LINGO2: variants seen among roughly 807,000 people sequenced by gnomAD.
The protein encoded by LINGO2 is leucine-rich repeat and immunoglobulin-like domain-containing nogo receptor-interacting protein 2.
LINGO2 carries 14 observed loss-of-function variants against 30.6 expected under a neutral mutation model. That is an observed-to-expected ratio of 0.46 (90% CI 0.30 to 0.72). The LOEUF (loss-of-function observed/expected upper bound fraction) is 0.72. LINGO2 is among the 30% of genes least tolerant of loss of function. The pLI is 0.07. For missense variants in LINGO2, 729 were observed against 751.7 expected (o/e 0.97, Z 0.35); for synonymous variants, 317 against 288.5 (o/e 1.10, Z -1.00).
At chr9:28,737,354 A>G in the LINGO2 span, among the ~76,000 whole-genome samples, 1 of 152,300 alleles carries the variant, frequency 6.6e-6, no homozygotes, top group East Asian at 1.9e-4. Context: ...GAGCAAAAAC[A>G]AGTCAATCAG....
chr9:28,937,670 G>T, the LINGO2 span, among the ~76,000 whole-genome samples: 2 of 152,174 alleles, frequency 1.3e-5, no homozygotes, highest in Non-Finnish European at 2.9e-5. Context: ...AACCAAGGAG[G>T]TGGTCCTACC....
At chr9:28,611,349 T>C (rs1206324916) in intron 1 of LINGO2, among the ~76,000 whole-genome samples, 1 of 149,348 alleles carries the variant, frequency 6.7e-6, no homozygotes, top group African/African-American at 2.5e-5. Flanking sequence ...ATGTTAACAT[T>C]TGTGTGTGTG....
the LINGO2 span, among the ~76,000 whole-genome samples, chr9:28,808,661 T>C: frequency 2.6e-5 from 4 of 152,222 alleles, no homozygotes; most frequent in Admixed American, 1.3e-4. Context: ...AATTTCATGG[T>C]AGAACAAGCA....
the LINGO2 span, among the ~76,000 whole-genome samples, chr9:28,955,024 A>G: frequency 6.6e-6 from 1 of 152,190 alleles, no homozygotes; most frequent in Non-Finnish European, 1.5e-5. Flanking sequence ...AAAGAGGGAC[A>G]GAGATAGAGA....
chr9:28,613,299 T>G (rs1331555662), intron 1 of LINGO2, among the ~76,000 whole-genome samples: 1 of 152,094 alleles, frequency 6.6e-6, no homozygotes, highest in East Asian at 1.9e-4. Context: ...TGTATTAGTA[T>G]ACATAAATAC....
the LINGO2 span, among the ~76,000 whole-genome samples, chr9:29,146,365 AC>A: frequency 7.1e-6 from 1 of 141,324 alleles, no homozygotes; most frequent in East Asian, 2.4e-4. Context: ...AAAAAACAAA[AC>A]AAACAAACAA....
the LINGO2 span, among the ~76,000 whole-genome samples, chr9:29,029,637 C>T: frequency 5.9e-5 from 9 of 152,094 alleles, no homozygotes; most frequent in Non-Finnish European, 7.4e-5. Flanking sequence ...ATCTCTTTAA[C>T]TTATTTACTT....
At chr9:28,014,746 C>T (rs1039328034) in intron 4 of LINGO2, among the ~76,000 whole-genome samples, 1 of 152,034 alleles carries the variant, frequency 6.6e-6, no homozygotes, top group African/African-American at 2.4e-5. Flanking sequence ...GACTGTCTGA[C>T]CTTGAAGGGC....
chr9:28,884,287 C>A, the LINGO2 span, among the ~76,000 whole-genome samples: 129,425 of 151,942 alleles, frequency 0.85, 55,294 homozygotes, highest in Non-Finnish European at 0.89. Context: ...TAATCCAAGC[C>A]CTCTGCCCAC....
intron 5 of LINGO2, among the ~76,000 whole-genome samples, chr9:28,009,461 T>A (rs1822443933): frequency 6.6e-6 from 1 of 151,992 alleles, no homozygotes; most frequent in Non-Finnish European, 1.5e-5. Context: ...AAAACATTTG[T>A]AAATTATAAA....
chr9:28,297,379 T>C (rs1823962688), intron 3 of LINGO2, among the ~76,000 whole-genome samples: 1 of 152,180 alleles, frequency 6.6e-6, no homozygotes, highest in African/African-American at 2.4e-5. Context: ...CTCTTATTCA[T>C]TCCACACATT....
chr9:29,025,889 G>T, the LINGO2 span, among the ~76,000 whole-genome samples: 1 of 151,998 alleles, frequency 6.6e-6, no homozygotes, highest in African/African-American at 2.4e-5. Flanking sequence ...GCATCATGTG[G>T]TATTTATTTT....
chr9:28,753,729 G>A, the LINGO2 span, among the ~76,000 whole-genome samples: 1 of 151,844 alleles, frequency 6.6e-6, no homozygotes, highest in African/African-American at 2.4e-5. Context: ...AATGCTTGTT[G>A]TTATATAAGA....
the LINGO2 span, among the ~76,000 whole-genome samples, chr9:28,872,432 T>C: frequency 6.6e-6 from 1 of 152,088 alleles, no homozygotes; most frequent in Non-Finnish European, 1.5e-5. Flanking sequence ...TAAACTATAA[T>C]GGGGCAAAAT....
rs1176868309 is a variant in LINGO2 at position 28,557,491 on chromosome 9, A to G, written c.-364-81466T>C. Among the ~76,000 whole-genome samples, 6 of 152,118 alleles carry G rather than the reference A, an allele frequency of 3.9e-5. 1 individual carries two copies. The highest frequency in any genetic ancestry group is 3.9e-4 in the East Asian group (2 of 5,162). ...AGAATGGCGATCATTAAAAAGTCAG[A>G]AAACGACAGGTGCTGGAGAGGATGT... On this transcript the variant is annotated intron_variant, in intron 1 of 5. Transcript: ENST00000379992.
chr9:28,431,029 T>TGAGAGAGAGAGAGAGAGAGAGAGA (rs57751993), intron 2 of LINGO2, among the ~76,000 whole-genome samples: 7 of 129,358 alleles, frequency 5.4e-5, no homozygotes, highest in Admixed American at 3.0e-4. Flanking sequence ...GCATGAGTGA[T>TGAGAGAGAGAGAGAGAGAGAGAGA]GAGAGAGAGA....
At chr9:28,463,564 C>A (rs946553749) in intron 2 of LINGO2, among the ~76,000 whole-genome samples, 31 of 151,982 alleles carry the variant, frequency 2.0e-4, no homozygotes, top group African/African-American at 7.2e-4. Context: ...GTATTAGGGG[C>A]AAATGGCTTG....
chr9:29,212,389 CT>C, the LINGO2 span, among the ~76,000 whole-genome samples: 1 of 151,904 alleles, frequency 6.6e-6, no homozygotes, highest in Non-Finnish European at 1.5e-5. Flanking sequence ...AGCAGGCGAC[CT>C]GCGGCGCCCA....
At chr9:28,767,582 G>A in the LINGO2 span, among the ~76,000 whole-genome samples, 1 of 151,794 alleles carries the variant, frequency 6.6e-6, no homozygotes, top group African/African-American at 2.4e-5. Flanking sequence ...TCAGGAGATC[G>A]AGACCATCCT....
Sources: allele counts gnomAD v4.1 joint callset (sites outside exome capture counted in the v4.1 genomes callset), GRCh38; gene constraint gnomAD v4.1.1; transcripts MANE v1.5; gene names NCBI Gene and HGNC (gene_info 2026-07-23, HGNC 2026-07-21).